Variants in MDFIC observed in about 807,000 individuals in gnomAD.
MDFIC encodes myoD family inhibitor domain-containing protein.
MDFIC carries 17 observed loss-of-function variants against 23.2 expected under a neutral mutation model. The ratio of observed to expected loss-of-function variants is 0.73; its 90% CI spans 0.50 to 1.10. The LOEUF (loss-of-function observed/expected upper bound fraction) is 1.10, where lower values mean the gene tolerates loss of function less well. Ranked by LOEUF, MDFIC falls within the 50% of genes least tolerant of loss-of-function variation. The pLI is 0.00. For synonymous variants in MDFIC, 120 were observed against 115.2 expected, an observed-to-expected ratio of 1.04 and a Z score of -0.27; for missense variants, 356 against 316.6, an observed-to-expected ratio of 1.12 and a Z score of -0.95.
At chr7:115,002,150 C>T (rs200675656) in intron 4 of MDFIC, among the ~76,000 whole-genome samples, 2 of 119,758 alleles carry the variant, frequency 1.7e-5, no homozygotes, top group African/African-American at 2.6e-5. Context: ...AAACAAAAAA[C>T]AAACAAACAA....
At chr7:114,932,708 G>A (rs1462260052) in intron 2 of MDFIC, among the ~76,000 whole-genome samples, 4 of 152,192 alleles carry the variant, frequency 2.6e-5, no homozygotes, top group Admixed American at 6.5e-5. Flanking sequence ...AGGAGAATCC[G>A]AAGAACTCAT....
At chr7:114,925,869 G>A (rs1464249655) in intron 2 of MDFIC, among the ~76,000 whole-genome samples, 1 of 152,164 alleles carries the variant, frequency 6.6e-6, no homozygotes, top group African/African-American at 2.4e-5. Context: ...CCTCTGAGCA[G>A]CTAATTTGTG....
intron 2 of MDFIC, among the ~76,000 whole-genome samples, 156 bp from the exon 3 acceptor site, chr7:114,942,119 C>G (rs909582881): frequency 2.6e-5 from 4 of 152,242 alleles, no homozygotes; most frequent in Middle Eastern, 3.4e-3. Flanking sequence ...ATACCTGTTA[C>G]TGAGCCAATA....
rs377471907 is a variant in MDFIC at position 115,015,813 on chromosome 7, G to C, written c.619G>C (p.Glu207Gln). 1.2e-6 allele frequency: 2 copies of C among 1,614,222 alleles called. No homozygotes were observed. Among genetic ancestry groups the C allele is most frequent in the Non-Finnish European group, 1.7e-6 (2 of 1,180,044 alleles). Residue 207 changes from glutamate (E) to glutamine (Q), a missense_variant, in exon 5 of 5, where the codon GAG becomes CAG. Glu to Gln is a conservative substitution (Grantham distance 29). Coordinates refer to ENST00000393486, the MANE Select transcript of MDFIC (RefSeq NM_001166345.3). ...AGCCTGCTGCTGTTGCTGTGGTGAC[G>C]AGATGGGGGATGATTGTAACTGCCC... ...SEACCCCCGD[E>Q]MGDDCNCPCD...
intron 3 of MDFIC, among the ~76,000 whole-genome samples, chr7:114,954,277 T>G (rs28689598): frequency 0.025 from 3,877 of 152,348 alleles, 172 homozygotes; most frequent in African/African-American, 0.089. Flanking sequence ...CTAATTACGT[T>G]CTTTTCCCTT....
chr7:114,932,815 T>A (rs1792340601), intron 2 of MDFIC, among the ~76,000 whole-genome samples: 1 of 152,220 alleles, frequency 6.6e-6, no homozygotes, highest in South Asian at 2.1e-4. Flanking sequence ...AATTGACAGA[T>A]GACACACCTT....
chr7:114,979,450 T>C, intron 3 of MDFIC, 56 bp from the exon 4 acceptor site: 1 of 1,499,048 alleles, frequency 6.7e-7, no homozygotes, highest in Non-Finnish European at 9.0e-7. Flanking sequence ...TTCATTATTT[T>C]AAAATATTAA....
intron 3 of MDFIC, among the ~76,000 whole-genome samples, chr7:114,958,535 G>C (rs1792926284): frequency 6.6e-6 from 1 of 152,222 alleles, no homozygotes; most frequent in South Asian, 2.1e-4. Flanking sequence ...CGGATCACCT[G>C]AGGTCAGGAG....
At chr7:114,992,817 C>T (rs866624799) in intron 4 of MDFIC, among the ~76,000 whole-genome samples, 1 of 151,866 alleles carries the variant, frequency 6.6e-6, no homozygotes. Flanking sequence ...TCTCTTTTTT[C>T]GTTGTATCTC....
Position 115,016,096 on chromosome 7 carries a change from C to A in MDFIC, c.*161C>A, listed in dbSNP as rs2116158197. 2 of 683,196 alleles carry A rather than the reference C, an allele frequency of 2.9e-6. No individual in the cohort carries two copies. Among genetic ancestry groups the A allele is most frequent in the Admixed American group, 3.2e-5 (1 of 31,226 alleles). The allele number at this position is 683,196 out of a possible 1,614,324, so 42.3% of individuals were successfully genotyped here. ...GAAAGCCTTTTTACTTTAACCAAAT[C>A]TACATGGTTTAATATGTGAAATTTT... On this transcript the variant is annotated 3_prime_UTR_variant, in exon 5 of 5. Transcript: ENST00000393486.
intron 4 of MDFIC, among the ~76,000 whole-genome samples, chr7:115,012,183 G>T (rs1326525845): frequency 6.6e-6 from 1 of 151,990 alleles, no homozygotes; most frequent in Non-Finnish European, 1.5e-5. Context: ...ATTTAACAAA[G>T]GACCAGTATC....
At chr7:114,961,201 C>T (rs993287775) in intron 3 of MDFIC, among the ~76,000 whole-genome samples, 4 of 152,174 alleles carry the variant, frequency 2.6e-5, no homozygotes, top group Middle Eastern at 3.2e-3. Flanking sequence ...CCTTTCCCCC[C>T]ACAACACATG....
chr7:114,965,628 A>G (rs925416336), intron 3 of MDFIC, among the ~76,000 whole-genome samples: 3 of 152,154 alleles, frequency 2.0e-5, no homozygotes, highest in African/African-American at 4.8e-5. Context: ...TGATTCAGTT[A>G]GTGACAGGTG....
intron 3 of MDFIC, among the ~76,000 whole-genome samples, chr7:114,977,949 T>G (rs1236294213): frequency 6.8e-6 from 1 of 147,974 alleles, no homozygotes; most frequent in Non-Finnish European, 1.5e-5. Context: ...TATATAATAA[T>G]TACATAATCA....
At chr7:114,950,238 G>C (rs1011631513) in intron 3 of MDFIC, among the ~76,000 whole-genome samples, 2 of 152,068 alleles carry the variant, frequency 1.3e-5, no homozygotes, top group African/African-American at 4.8e-5. Flanking sequence ...TCTTGGACTG[G>C]GGTAATGACA....
At chr7:114,949,506 C>T (rs1042162227) in intron 3 of MDFIC, among the ~76,000 whole-genome samples, 2 of 152,108 alleles carry the variant, frequency 1.3e-5, no homozygotes, top group South Asian at 4.1e-4. Flanking sequence ...TGAACTTACA[C>T]GTAAATTATG....
At chr7:114,964,359 A>G (rs917726504) in intron 3 of MDFIC, among the ~76,000 whole-genome samples, 1 of 152,170 alleles carries the variant, frequency 6.6e-6, no homozygotes, top group Non-Finnish European at 1.5e-5. Flanking sequence ...AGGCAATTGC[A>G]TTATTTTTCT....
intron 3 of MDFIC, among the ~76,000 whole-genome samples, chr7:114,949,346 G>A (rs1792713689): frequency 1.3e-5 from 2 of 152,166 alleles, no homozygotes; most frequent in Admixed American, 1.3e-4. Context: ...GCCTCAGGAA[G>A]GAGCTGAGGC....
chr7:114,947,615 G>A (rs1381046831), intron 3 of MDFIC, among the ~76,000 whole-genome samples: 1 of 152,100 alleles, frequency 6.6e-6, no homozygotes, highest in Non-Finnish European at 1.5e-5. Flanking sequence ...CCAGAAGCTG[G>A]GGAGAACCAT....
Sources: gnomAD v4.1 joint callset for allele counts (sites outside exome capture counted in the v4.1 genomes callset) on GRCh38, gnomAD v4.1.1 for gene constraint, MANE v1.5 for transcripts, NCBI Gene and HGNC (gene_info 2026-07-23, HGNC 2026-07-21) for gene names.